The following KCNK10 variants were observed in gnomAD, a reference collection of about 807,000 sequenced individuals.
KCNK10 encodes the protein potassium channel subfamily K member 10.
KCNK10 carries 25 observed loss-of-function variants against 47.7 expected under a neutral mutation model. That is an observed-to-expected ratio of 0.52 (90% confidence interval 0.38 to 0.73). The LOEUF (loss-of-function observed/expected upper bound fraction) is 0.73. Ranked by LOEUF, KCNK10 falls within the 30% of genes least tolerant of loss-of-function variation. The probability of loss-of-function intolerance (pLI) is 0.00; values close to 1 mark genes in which losing one functional copy is unlikely to be tolerated. For missense variants in KCNK10, 563 were observed against 714.5 expected (o/e 0.79, Z 2.42); for synonymous variants, 303 against 285.6 (o/e 1.06, Z -0.61).
chr14:88,287,944 G>A (rs928811638), intron 1 of KCNK10, among the ~76,000 whole-genome samples: 9 of 152,094 alleles, frequency 5.9e-5, no homozygotes, highest in African/African-American at 1.9e-4. Flanking sequence ...TTCCATAGTG[G>A]TTGTATTCCC....
chr14:88,199,916 T>C (rs1408150635), intron 4 of KCNK10, among the ~76,000 whole-genome samples: 3 of 152,270 alleles, frequency 2.0e-5, no homozygotes, highest in Non-Finnish European at 4.4e-5. Flanking sequence ...ACCTGGGTAT[T>C]GCTGGATAAG....
At chr14:88,212,149 GAA>G (rs1278593733) in intron 4 of KCNK10, among the ~76,000 whole-genome samples, 2 of 128,760 alleles carry the variant, frequency 1.6e-5, no homozygotes, top group East Asian at 2.8e-4. Flanking sequence ...GAGAGAGAGA[GAA>G]AGAGAGAGGC....
chr14:88,200,947 T>C (rs1429774375), intron 4 of KCNK10, among the ~76,000 whole-genome samples: 1 of 152,224 alleles, frequency 6.6e-6, no homozygotes, highest in Non-Finnish European at 1.5e-5. Context: ...ACTGTGGAAC[T>C]GTTTGCCTAC....
chr14:88,209,611 G>A (rs924112209), intron 4 of KCNK10, among the ~76,000 whole-genome samples: 23 of 152,174 alleles, frequency 1.5e-4, no homozygotes, highest in Admixed American at 8.5e-4. Context: ...CTGAGGTCCC[G>A]TCCCAGATAC....
At position 88,182,642 on chromosome 14, in the gene KCNK10, G is replaced by A. The variant is rs1884409923; in HGVS notation, c.*2893C>T. The A allele has an allele frequency of 6.6e-6, 1 of 152,234 alleles. No homozygotes were observed. Among genetic ancestry groups the A allele is most frequent in the Admixed American group, 6.5e-5 (1 of 15,286 alleles). 9.4% of individuals were successfully genotyped at this position (152,234 alleles called of 1,614,324 possible). On this transcript the variant is annotated 3_prime_UTR_variant, in exon 7 of 7. Transcript: ENST00000319231. ...CACATTCTTGGCCAAATGTCTCAGG[G>A]AATGGGTTATGTAGAAAATTTTCCC...
intron 1 of KCNK10, among the ~76,000 whole-genome samples, chr14:88,300,973 T>G (rs1476334369): frequency 6.6e-6 from 1 of 152,336 alleles, no homozygotes; most frequent in South Asian, 2.1e-4. Flanking sequence ...AAATACGGAC[T>G]TTGGATTCAG....
intron 4 of KCNK10, among the ~76,000 whole-genome samples, chr14:88,213,463 A>G (rs80085201): frequency 6.6e-6 from 1 of 152,216 alleles, no homozygotes; most frequent in Admixed American, 6.5e-5. Context: ...TACTAGTAAA[A>G]ATGTGATTGC....
intron 1 of KCNK10, among the ~76,000 whole-genome samples, chr14:88,279,783 T>C (rs1039810877): frequency 6.6e-6 from 1 of 152,140 alleles, no homozygotes; most frequent in Admixed American, 6.5e-5. Context: ...ACTTGAACTG[T>C]ATCTCCCAGA....
intron 1 of KCNK10, among the ~76,000 whole-genome samples, chr14:88,301,503 G>T (rs1021355905): frequency 6.6e-6 from 1 of 152,034 alleles, no homozygotes; most frequent in Non-Finnish European, 1.5e-5. Context: ...GCATGATGCA[G>T]AGACTCCTAA....
chr14:88,180,814 A>G lies in KCNK10; in HGVS notation c.*4721T>C, dbSNP rs1884321030. The G allele has an allele frequency of 5.0e-6, 2 of 398,656 alleles. No individual in the cohort carries two copies. The highest frequency in any genetic ancestry group is 2.1e-5 in the African/African-American group (1 of 48,634). 24.7% of individuals were successfully genotyped at this position (398,656 alleles called of 1,614,324 possible). ...TGAAGGTATGGTGCAGAGACAGAGG[A>G]CAGGGCTTTGCTTACAGCCATGTAA... On this transcript the variant is annotated 3_prime_UTR_variant, in exon 7 of 7. Coordinates refer to ENST00000319231, the MANE Select transcript of KCNK10 (RefSeq NM_138317.3).
intron 4 of KCNK10, among the ~76,000 whole-genome samples, chr14:88,220,115 T>C (rs1885749237): frequency 6.6e-6 from 1 of 152,138 alleles, no homozygotes; most frequent in African/African-American, 2.4e-5. Flanking sequence ...CTAACTGGCT[T>C]TAAGAATTAC....
At chr14:88,271,624 A>T (rs1219851636) in intron 1 of KCNK10, among the ~76,000 whole-genome samples, 2 of 152,194 alleles carry the variant, frequency 1.3e-5, no homozygotes, top group African/African-American at 4.8e-5. Flanking sequence ...GTGAGATTTT[A>T]AAAATTCTAT....
intron 4 of KCNK10, among the ~76,000 whole-genome samples, 200 bp from the exon 5 acceptor site, chr14:88,192,610 T>A (rs943715153): frequency 6.6e-6 from 1 of 152,204 alleles, no homozygotes; most frequent in African/African-American, 2.4e-5. Flanking sequence ...TAGGAGGTTC[T>A]CAGGCTCCCT....
chr14:88,223,686 C>G (rs1047484849), intron 4 of KCNK10, among the ~76,000 whole-genome samples: 4 of 152,178 alleles, frequency 2.6e-5, no homozygotes, highest in Non-Finnish European at 4.4e-5. Flanking sequence ...TTGCATCCCT[C>G]TTGGGTCTGT....
intron 3 of KCNK10, chr14:88,235,352 G>C (rs756950062): frequency 2.9e-5 from 12 of 419,070 alleles, no homozygotes; most frequent in Non-Finnish European, 5.2e-5. Flanking sequence ...AATGTGAAAA[G>C]AGTAGCAAAA....
rs185091631 is a variant in KCNK10 at position 88,231,752 on chromosome 14, G to A, written c.521-4217C>T. Among the ~76,000 whole-genome samples the A allele has an allele frequency of 1.1e-3, 172 of 152,266 alleles. 1 individual carries two copies. The highest frequency in any genetic ancestry group is 1.3e-3 in the Admixed American group (20 of 15,288). On this transcript the variant is annotated intron_variant, in intron 3 of 6. Transcript: ENST00000319231. Reference sequence around the variant, plus strand: ...AGCAGAGTCTGCTCTTCCTTCTGGCGTGGCTACTGGTCTGGAGAAGTGCCT... The same window carrying A: ...AGCAGAGTCTGCTCTTCCTTCTGGCATGGCTACTGGTCTGGAGAAGTGCCT...
chr14:88,270,493 G>T (rs1438992039), intron 1 of KCNK10, among the ~76,000 whole-genome samples: 4 of 152,176 alleles, frequency 2.6e-5, no homozygotes, highest in African/African-American at 9.7e-5. Context: ...AGCAAGCCAT[G>T]GTCCCAAAAC....
rs930002606 is a variant in KCNK10 at position 88,182,257 on chromosome 14, C to T, written c.*3278G>A. ...TTGCCAGTGAAGCAAAAGACAGCCC[C>T]CACTGAAGATGGTGGACGTGTGCTC... On this transcript the variant is annotated 3_prime_UTR_variant, in exon 7 of 7. Transcript: ENST00000319231. The T allele has an allele frequency of 1.3e-5, 2 of 152,280 alleles. No homozygotes were observed. The highest frequency in any genetic ancestry group is 4.8e-5 in the African/African-American group (2 of 41,492). 9.4% of individuals were successfully genotyped at this position (152,280 alleles called of 1,614,324 possible).
Position 88,189,465 on chromosome 14 carries a change from G to A in KCNK10, c.869-1356C>T, listed in dbSNP as rs188096883. ...GAGAAATCTGTAGCTTTCTCCTGTGGGCTATCTGGGAGTAAATATTTACCT... is the reference window on the plus strand; with the variant it reads ...GAGAAATCTGTAGCTTTCTCCTGTGAGCTATCTGGGAGTAAATATTTACCT... On this transcript the variant is annotated intron_variant, in intron 5 of 6. Transcript: ENST00000319231. Among the ~76,000 whole-genome samples the A allele has an allele frequency of 6.8e-4, 103 of 152,236 alleles. 2 individuals carry two copies. The highest frequency in any genetic ancestry group is 1.5e-3 in the Admixed American group (23 of 15,296).
Sources: allele counts gnomAD v4.1 joint callset (sites outside exome capture counted in the v4.1 genomes callset), GRCh38; gene constraint gnomAD v4.1.1; transcripts MANE v1.5; gene names NCBI Gene and HGNC (gene_info 2026-07-23, HGNC 2026-07-21).